Variants in ARHGEF18 observed in about 807,000 individuals in gnomAD.
ARHGEF18 encodes rho guanine nucleotide exchange factor 18.
ARHGEF18 carries 93 observed loss-of-function variants against 155.7 expected under a neutral mutation model. The observed-to-expected ratio is 0.60, with a 90% CI of 0.50 to 0.71. The LOEUF (loss-of-function observed/expected upper bound fraction) is 0.71, where lower values mean the gene tolerates loss of function less well. Among genes scored for constraint, ARHGEF18 ranks in the 30% least tolerant of loss-of-function variants. The pLI is 0.00. For synonymous variants in ARHGEF18, 742 were observed against 753.1 expected, an observed-to-expected ratio of 0.99 and a Z score of 0.24; for missense variants, 1,593 against 1,816.1, an observed-to-expected ratio of 0.88 and a Z score of 2.23.
At chr19:7,475,730 A>G (rs889670581), downstream of ARHGEF18, among the ~76,000 whole-genome samples, 17 of 152,172 alleles carry the variant, frequency 1.1e-4, no homozygotes, top group African/African-American at 4.1e-4. Flanking sequence ...CCAGGTGGTC[A>G]TGTGGCTTCC....
Position 7,466,962 on chromosome 19 carries a change from C to A in ARHGEF18, c.2949C>A (p.Val983=), listed in dbSNP as rs754898896. ...AATCCGATCCCCGTCTGCCCACCGT[C>A]CTGGAGTCGGAGGTAGGCGCCCGCG... ...GTESDPRLPT[V]LESELVQRIQ... The change falls in exon 24 of 29, where the codon GTC becomes GTA. Residue 983 remains valine, a synonymous_variant. Transcript: ENST00000668164. 5 of 1,613,526 alleles carry A rather than the reference C, an allele frequency of 3.1e-6. No homozygotes were observed. The South Asian group carries it at 5.5e-5, about 18-fold the overall frequency.
At chr19:7,406,820 C>T (rs1045811641) in intron 10 of ARHGEF18, among the ~76,000 whole-genome samples, 10 of 151,356 alleles carry the variant, frequency 6.6e-5, no homozygotes, top group Non-Finnish European at 1.5e-4. Flanking sequence ...TTTGGGAGGC[C>T]GAGGTGGGCG....
intron 10 of ARHGEF18, among the ~76,000 whole-genome samples, chr19:7,409,269 C>T (rs1431099938): frequency 2.8e-5 from 4 of 141,320 alleles, no homozygotes; most frequent in Non-Finnish European, 4.5e-5. Context: ...CCATGTCAGC[C>T]GGGATGGTCT....
In ARHGEF18 at chr19:7,375,770, C is replaced by A; in HGVS notation, c.326C>A (p.Thr109Lys). 4.0e-6 allele frequency: 5 copies of A among 1,234,572 alleles called. No homozygotes were observed. The highest frequency in any genetic ancestry group is 5.1e-6 in the Non-Finnish European group (5 of 988,320). 76.5% of individuals were successfully genotyped at this position (1,234,572 alleles called of 1,614,324 possible). The change falls in exon 4 of 29, where the codon ACA (threonine) becomes AAA (lysine). Residue 109 changes from threonine to lysine, a missense_variant. Coordinates refer to ENST00000668164, the MANE Select transcript of ARHGEF18 (RefSeq NM_001367823.1). ...GATGAGGAACCCTGTCTCCCCCGAACACTGGCCAGCCTTGCTTTGAACCTG... is the reference window on the plus strand; with the variant it reads ...GATGAGGAACCCTGTCTCCCCCGAAAACTGGCCAGCCTTGCTTTGAACCTG... ...AVDEEPCLPR[T>K]LASLALNLPG... is the part of the protein sequence containing the mutation.
At chr19:7,448,533 C>T (rs1040792959) in intron 15 of ARHGEF18, among the ~76,000 whole-genome samples, 10 of 152,014 alleles carry the variant, frequency 6.6e-5, no homozygotes, top group Non-Finnish European at 7.4e-5. Context: ...TGGTGGTGGG[C>T]GCCTGTAGTC....
chr19:7,416,843 TC>T (rs1973056405), intron 10 of ARHGEF18, among the ~76,000 whole-genome samples: 1 of 151,990 alleles, frequency 6.6e-6, no homozygotes. Flanking sequence ...GACCTCATGA[TC>T]CGCTCGCCTC....
At chr19:7,441,579 G>A in intron 11 of ARHGEF18, 74 bp from the exon 12 acceptor site, 1 of 1,127,930 alleles carries the variant, frequency 8.9e-7, no homozygotes, top group African/African-American at 1.5e-5. Context: ...AGTCACCGAT[G>A]TGCCTTTGTT....
chr19:7,445,546 T>C (rs1481321579), intron 14 of ARHGEF18, among the ~76,000 whole-genome samples: 4 of 152,188 alleles, frequency 2.6e-5, no homozygotes, highest in Non-Finnish European at 4.4e-5. Flanking sequence ...AGGGGAGCTG[T>C]GCCCTTCATG....
intron 1 of ARHGEF18, among the ~76,000 whole-genome samples, chr19:7,350,086 G>A (rs11879612): frequency 0.016 from 2,439 of 152,276 alleles, 25 homozygotes; most frequent in South Asian, 0.052. Flanking sequence ...GTCTCCTCTC[G>A]TGGCCCCTTC....
chr19:7,462,943 T>A lies in ARHGEF18; in HGVS notation c.2635+609T>A, dbSNP rs1316244938. Among the ~76,000 whole-genome samples the A allele has an allele frequency of 2.0e-5, 3 of 151,138 alleles. No individual in the cohort carries two copies. The highest frequency in any genetic ancestry group is 4.4e-5 in the Non-Finnish European group (3 of 67,790). ...CCTCCACCTCCTGGGTTTAAGTAATTCTGCCTCAGCCTCCTGGGTAGCTGG... is the reference window on the plus strand; with the variant it reads ...CCTCCACCTCCTGGGTTTAAGTAATACTGCCTCAGCCTCCTGGGTAGCTGG... On this transcript the variant is annotated intron_variant, in intron 21 of 28. Coordinates refer to ENST00000668164, the MANE Select transcript of ARHGEF18 (RefSeq NM_001367823.1). This position sits in a 1 kb window ranked among gnomAD's most constrained non-coding sequence, Gnocchi z 4.4.
At chr19:7,420,063 C>T (rs534272431) in intron 10 of ARHGEF18, among the ~76,000 whole-genome samples, 50 of 150,786 alleles carry the variant, frequency 3.3e-4, no homozygotes, top group African/African-American at 1.1e-3. Context: ...TAAGCCCTGA[C>T]GACAGCCTCA....
chr19:7,456,487 T>G lies in ARHGEF18; in HGVS notation c.2181+84T>G, dbSNP rs1600511283. 13 of 1,263,248 alleles carry G rather than the reference T, an allele frequency of 1.0e-5. No individual in the cohort carries two copies. The Admixed American group carries it at 2.2e-4, about 21-fold the overall frequency. 78.3% of individuals were successfully genotyped at this position (1,263,248 alleles called of 1,614,324 possible). ...ATCCCAGCACTTTGGGAGGCCGAGG[T>G]GGGCAGATCACTTGAGGTCAAGAGT... On this transcript the variant is annotated intron_variant, in intron 18 of 28. Transcript: ENST00000668164.
intron 2 of ARHGEF18, among the ~76,000 whole-genome samples, chr19:7,366,686 G>A (rs1335646002): frequency 6.6e-6 from 1 of 152,228 alleles, no homozygotes; most frequent in African/African-American, 2.4e-5. Flanking sequence ...AGGGGAGACT[G>A]TGTGATTCCA....
intron 26 of ARHGEF18, among the ~76,000 whole-genome samples, chr19:7,468,610 AGTGT>A (rs1357048444): frequency 6.6e-6 from 1 of 152,194 alleles, no homozygotes; most frequent in Non-Finnish European, 1.5e-5. Context: ...TTTGTATATG[AGTGT>A]GTGACAGTAT....
Position 7,440,065 on chromosome 19 carries a change from C to G in ARHGEF18, c.968-279C>G. ...AGGCATAAAAACGGCGCAGCCCAGC[C>G]TGGCGCCGCGCCGGGTCCCGGAGCC... On this transcript the variant is annotated intron_variant, in intron 10 of 28. Coordinates refer to ENST00000668164, the MANE Select transcript of ARHGEF18 (RefSeq NM_001367823.1). The surrounding 1 kb of genome is among the most constrained non-coding windows in gnomAD (Gnocchi z 5.4). 1 of 1,550,622 alleles carries G rather than the reference C, an allele frequency of 6.4e-7. No homozygotes were observed. The highest frequency in any genetic ancestry group is 8.7e-7 in the Non-Finnish European group (1 of 1,146,650).
chr19:7,368,085 T>C (rs992381638), intron 2 of ARHGEF18, among the ~76,000 whole-genome samples: 3 of 150,390 alleles, frequency 2.0e-5, no homozygotes, highest in African/African-American at 7.3e-5. Flanking sequence ...GCCATTTTGT[T>C]TGAAATTAAG....
At chr19:7,355,093 C>G (rs1269060009) in intron 1 of ARHGEF18, among the ~76,000 whole-genome samples, 2 of 135,592 alleles carry the variant, frequency 1.5e-5, no homozygotes, top group East Asian at 2.7e-4. Flanking sequence ...CACACACACA[C>G]ACACACACAC....
intron 10 of ARHGEF18, among the ~76,000 whole-genome samples, chr19:7,426,486 CAAAA>C (rs760020542): frequency 7.9e-5 from 8 of 100,768 alleles, no homozygotes; most frequent in Non-Finnish European, 1.0e-4. Context: ...GACTCTGTCT[CAAAA>C]AAAAAAAAAA....
At position 7,462,031 on chromosome 19, in the gene ARHGEF18, G is replaced by A; in HGVS notation, c.2453-121G>A. ...ACCTCCCAGGAATGCAGGACACAAG[G>A]GGGCAGCCTACCTCAGGGCAGGGCC... is the stretch of plus-strand genomic sequence containing the variant. On this transcript the variant is annotated intron_variant, in intron 20 of 28. Transcript: ENST00000668164. The surrounding 1 kb of genome is among the most constrained non-coding windows in gnomAD (Gnocchi z 4.4). 9.1e-7 allele frequency: 1 copy of A among 1,104,104 alleles called. No homozygotes were observed. Among genetic ancestry groups the A allele is most frequent in the Non-Finnish European group, 1.3e-6 (1 of 742,024 alleles). The allele number at this position is 1,104,104 out of a possible 1,614,324, so 68.4% of individuals were successfully genotyped here.
Sources: gnomAD v4.1 joint callset for allele counts (sites outside exome capture counted in the v4.1 genomes callset) on GRCh38, gnomAD v4.1.1 for gene constraint, Gnocchi (gnomAD v3.1) non-coding constraint, MANE v1.5 for transcripts, NCBI Gene and HGNC (gene_info 2026-07-23, HGNC 2026-07-21) for gene names.